OCIAD1: variants seen among roughly 807,000 people sequenced by gnomAD.
OCIAD1 encodes the protein OCIA domain-containing protein 1.
OCIAD1 carries 29 observed loss-of-function variants against 38.9 expected under a neutral mutation model. The ratio of observed to expected loss-of-function variants is 0.74; its 90% confidence interval spans 0.55 to 1.02. The LOEUF (loss-of-function observed/expected upper bound fraction) is 1.02, where lower values mean the gene tolerates loss of function less well. Among genes scored for constraint, OCIAD1 ranks in the 50% least tolerant of loss-of-function variants. OCIAD1 has a pLI of 0.00. For missense variants in OCIAD1, 288 were observed against 289.6 expected, an observed-to-expected ratio of 0.99 and a Z score of 0.04; for synonymous variants, 110 against 92.0, an observed-to-expected ratio of 1.20 and a Z score of -1.12.
At chr4:48,829,899 AT>A (rs1460557173), upstream of OCIAD1, among the ~76,000 whole-genome samples, 3 of 152,256 alleles carry the variant, frequency 2.0e-5, no homozygotes, top group Non-Finnish European at 4.4e-5. Context: ...GCAAAAGTAC[AT>A]TGCAGTGACA....
intron 2 of OCIAD1, 56 bp from the exon 3 acceptor site, chr4:48,833,345 C>A: frequency 1.9e-6 from 2 of 1,041,154 alleles, no homozygotes; most frequent in Non-Finnish European, 2.9e-6. Context: ...GATAATTTTT[C>A]AGACCTAGTT....
intron 1 of OCIAD1, among the ~76,000 whole-genome samples, chr4:48,825,410 A>T (rs1777239608): frequency 6.6e-6 from 1 of 152,248 alleles, no homozygotes; most frequent in Non-Finnish European, 1.5e-5. Flanking sequence ...GAATATCTTC[A>T]GCAGCCCCAT....
chr4:48,848,615 T>C (rs1163330851), intron 5 of OCIAD1, 169 bp downstream of exon 5: 1 of 407,664 alleles, frequency 2.5e-6, no homozygotes, highest in African/African-American at 2.1e-5. Flanking sequence ...ATTTTATTGT[T>C]AGCATAAAAA....
At chr4:48,833,886 G>A (rs1419583796) in intron 3 of OCIAD1, among the ~76,000 whole-genome samples, 2 of 152,164 alleles carry the variant, frequency 1.3e-5, no homozygotes, top group African/African-American at 2.4e-5. Context: ...AAACAGGTCT[G>A]TCTGAAACAG....
rs1363947138 is a variant in OCIAD1, at chr4:48,858,925, A to C, written c.700+1560A>C. On this transcript the variant is annotated intron_variant, in intron 8 of 8. Transcript: ENST00000264312. ...CTCTAAAGGAAGAGGACATTCGAAT[A>C]GGGTTTTATAGCTATTTCAGTATAG... Among the ~76,000 whole-genome samples, 5 of 152,320 alleles carry C rather than the reference A, an allele frequency of 3.3e-5. No individual in the cohort carries two copies. The East Asian group carries it at 9.6e-4, about 29-fold the overall frequency.
intron 3 of OCIAD1, among the ~76,000 whole-genome samples, chr4:48,837,506 T>C (rs1382098862): frequency 6.6e-6 from 1 of 152,024 alleles, no homozygotes. Context: ...TTGGCCAGGC[T>C]GGTCTCGAGC....
chr4:48,810,249 C>T (rs1777071358), intron 1 of OCIAD1, among the ~76,000 whole-genome samples: 2 of 151,498 alleles, frequency 1.3e-5, no homozygotes, highest in Admixed American at 6.6e-5. Context: ...GCGGGTGGAT[C>T]ACGAGGTCAG....
intron 4 of OCIAD1, among the ~76,000 whole-genome samples, chr4:48,843,322 T>G (rs914467475): frequency 9.2e-5 from 14 of 152,344 alleles, no homozygotes; most frequent in Admixed American, 7.2e-4. Context: ...GTAGAGTTGC[T>G]TAATTCCTTT....
intron 1 of OCIAD1, among the ~76,000 whole-genome samples, chr4:48,814,954 C>T (rs1208726080): frequency 6.6e-6 from 1 of 152,162 alleles, no homozygotes; most frequent in Non-Finnish European, 1.5e-5. Context: ...AAATATGCCT[C>T]AAAATAATAG....
intron 1 of OCIAD1, among the ~76,000 whole-genome samples, chr4:48,821,664 A>G (rs1347737306): frequency 6.6e-6 from 1 of 152,154 alleles, no homozygotes; most frequent in Non-Finnish European, 1.5e-5. Flanking sequence ...TCAGCCCAAA[A>G]ATTCTTAAGC....
intron 1 of OCIAD1, among the ~76,000 whole-genome samples, chr4:48,819,320 C>G (rs547141723): frequency 6.6e-6 from 1 of 152,058 alleles, no homozygotes; most frequent in Non-Finnish European, 1.5e-5. Flanking sequence ...AAAGGAGTAA[C>G]AAAATCCTAT....
chr4:48,844,462 A>G (rs1778806880), intron 4 of OCIAD1, among the ~76,000 whole-genome samples: 1 of 152,032 alleles, frequency 6.6e-6, no homozygotes, highest in Admixed American at 6.6e-5. Context: ...AAAAATACAA[A>G]AAAATTAGCC....
chr4:48,829,862 C>T (rs1435633862), upstream of OCIAD1, among the ~76,000 whole-genome samples: 6 of 152,068 alleles, frequency 3.9e-5, no homozygotes, highest in Non-Finnish European at 5.9e-5. Context: ...CAGAGACAGA[C>T]GTAAGTAAAA....
chr4:48,852,240 A>G, intron 7 of OCIAD1: 1 of 321,586 alleles, frequency 3.1e-6, no homozygotes, highest in Non-Finnish European at 5.6e-6. Flanking sequence ...TAGAAGATAT[A>G]GAAATACAAG....
At chr4:48,844,358 C>T (rs570478956) in intron 4 of OCIAD1, among the ~76,000 whole-genome samples, 22 of 151,968 alleles carry the variant, frequency 1.4e-4, no homozygotes, top group East Asian at 5.8e-4. Context: ...CTTGAGGGTA[C>T]GGTAGAAGTG....
At chr4:48,822,375 A>G (rs926899120) in intron 1 of OCIAD1, among the ~76,000 whole-genome samples, 2 of 152,244 alleles carry the variant, frequency 1.3e-5, no homozygotes, top group African/African-American at 2.4e-5. Flanking sequence ...ACTTCCTTAC[A>G]TCTTACGTAA....
chr4:48,814,790 G>T (rs1191550757), intron 1 of OCIAD1, among the ~76,000 whole-genome samples: 1 of 152,038 alleles, frequency 6.6e-6, no homozygotes, highest in Non-Finnish European at 1.5e-5. Context: ...CCAAGTCCTG[G>T]ATGCTGTGTT....
chr4:48,840,823 C>A (rs1467625677), intron 3 of OCIAD1, among the ~76,000 whole-genome samples: 2 of 146,282 alleles, frequency 1.4e-5, no homozygotes, highest in African/African-American at 5.1e-5. Flanking sequence ...TTGGCGAAAC[C>A]TCATCTCTAC....
chr4:48,834,718 T>C (rs369613448), intron 3 of OCIAD1, among the ~76,000 whole-genome samples: 2 of 152,228 alleles, frequency 1.3e-5, no homozygotes, highest in African/African-American at 2.4e-5. Flanking sequence ...TAGAGGCTGC[T>C]GCAGTGAGCT....
Sources: allele counts gnomAD v4.1 joint callset (sites outside exome capture counted in the v4.1 genomes callset), GRCh38; gene constraint gnomAD v4.1.1; transcripts MANE v1.5; gene names NCBI Gene and HGNC (gene_info 2026-07-23, HGNC 2026-07-21).